The following GOLGA4 variants were observed in gnomAD, a reference collection of about 807,000 sequenced individuals.
GOLGA4 encodes golgin A4, also known as golgin subfamily A member 4.
Under a neutral mutation model 265.9 loss-of-function variants are expected in GOLGA4, and 169 were observed. The observed-to-expected ratio is 0.64, with a 90% confidence interval of 0.56 to 0.72. The LOEUF is 0.72. GOLGA4 is among the 30% of genes least tolerant of loss of function. The pLI is 0.00. For missense variants in GOLGA4, 2,482 were observed against 2,483.4 expected (o/e 1.00, Z 0.01); for synonymous variants, 923 against 855.8 (o/e 1.08, Z -1.37).
At chr3:37,264,220 C>T (rs578241628) in intron 2 of GOLGA4, among the ~76,000 whole-genome samples, 77 of 152,178 alleles carry the variant, frequency 5.1e-4, no homozygotes, top group Non-Finnish European at 7.4e-4. Context: ...TGGGCAAGAG[C>T]GACTTCATTA....
At chr3:37,289,693 C>T (rs1246560722) in intron 5 of GOLGA4, among the ~76,000 whole-genome samples, 1 of 152,060 alleles carries the variant, frequency 6.6e-6, no homozygotes, top group African/African-American at 2.4e-5. Flanking sequence ...GTTTGAATTC[C>T]TTTATGTCTT....
rs2096842735 is a variant in GOLGA4 at position 37,284,393 on chromosome 3, A to G, written c.478-1621A>G. On this transcript the variant is annotated intron_variant, in intron 3 of 23. Coordinates refer to ENST00000361924, the MANE Select transcript of GOLGA4 (RefSeq NM_002078.5). The stretch of plus-strand genomic sequence containing the variant: ...CCAAGCAGTTCTCCTGCCTCACTCT[A>G]CAGGCATGCGCCACCATGCTCAGCT... Among the ~76,000 whole-genome samples, 3 of 151,922 alleles carry G rather than the reference A, an allele frequency of 2.0e-5. No homozygotes were observed. In the South Asian group the frequency reaches 6.2e-4, roughly 32 times the overall value.
chr3:37,334,993 T>G, intron 16 of GOLGA4, 60 bp from the exon 17 acceptor site: 1 of 1,041,478 alleles, frequency 9.6e-7, no homozygotes, highest in Non-Finnish European at 1.4e-6. Context: ...TTTGATGTGT[T>G]TGTTTACTAA....
At chr3:37,271,289 A>T (rs1428327293) in intron 2 of GOLGA4, among the ~76,000 whole-genome samples, 2 of 152,158 alleles carry the variant, frequency 1.3e-5, no homozygotes, top group Non-Finnish European at 2.9e-5. Context: ...CCTAGAAGGC[A>T]TTCATTGTAA....
chr3:37,331,415 A>G (rs1223631739), intron 16 of GOLGA4, among the ~76,000 whole-genome samples: 8 of 152,216 alleles, frequency 5.3e-5, no homozygotes, highest in Admixed American at 3.9e-4. Context: ...ATCCCCAGAT[A>G]TACTTTATCC....
At chr3:37,364,126 C>A (rs999535010) in intron 23 of GOLGA4, among the ~76,000 whole-genome samples, 1 of 152,138 alleles carries the variant, frequency 6.6e-6, no homozygotes, top group South Asian at 2.1e-4. Context: ...CTCCCCCTAT[C>A]CACTTAATAT....
chr3:37,327,855 A>T, intron 14 of GOLGA4, 30 bp downstream of exon 14: 1 of 1,528,036 alleles, frequency 6.5e-7, no homozygotes, highest in African/African-American at 1.4e-5. Context: ...GAATATTTTT[A>T]TGGCAGTCCT....
intron 2 of GOLGA4, among the ~76,000 whole-genome samples, chr3:37,270,417 C>T (rs1199887015): frequency 6.6e-6 from 1 of 151,766 alleles, no homozygotes; most frequent in African/African-American, 2.4e-5. Flanking sequence ...GGGGTTTCAC[C>T]ATATTGGCCA....
intron 21 of GOLGA4, among the ~76,000 whole-genome samples, chr3:37,350,256 G>A (rs1182441466): frequency 6.6e-6 from 1 of 152,150 alleles, no homozygotes; most frequent in East Asian, 1.9e-4. Flanking sequence ...TTTCTGGCAA[G>A]CCAGGGATGA....
At chr3:37,345,041 C>T (rs1426897377) in intron 20 of GOLGA4, among the ~76,000 whole-genome samples, 2 of 151,858 alleles carry the variant, frequency 1.3e-5, no homozygotes, top group Admixed American at 1.3e-4. Flanking sequence ...GTAGTGGGAC[C>T]CTGTCTCTAG....
chr3:37,312,748 T>C (rs1188280494), intron 10 of GOLGA4, among the ~76,000 whole-genome samples: 1 of 152,038 alleles, frequency 6.6e-6, no homozygotes, highest in Non-Finnish European at 1.5e-5. Flanking sequence ...GGTCTTGAAC[T>C]CCTAGGCTCA....
chr3:37,279,704 C>A (rs987457194), intron 2 of GOLGA4, among the ~76,000 whole-genome samples: 2 of 152,154 alleles, frequency 1.3e-5, no homozygotes, highest in East Asian at 3.9e-4. Context: ...GTCAGGAGTT[C>A]GAGACCAGCC....
chr3:37,302,771 C>A (rs886576179), intron 10 of GOLGA4: 14 of 155,722 alleles, frequency 9.0e-5, no homozygotes. Flanking sequence ...TTAGGGTAAA[C>A]AAAAAGTCTA....
intron 2 of GOLGA4, among the ~76,000 whole-genome samples, chr3:37,255,750 CA>C (rs1305092764): frequency 1.3e-4 from 2 of 15,798 alleles, no homozygotes; most frequent in African/African-American, 2.2e-4. Flanking sequence ...TAAAAAAAAG[CA>C]TTTTTTTTTT....
intron 2 of GOLGA4, among the ~76,000 whole-genome samples, chr3:37,273,120 CA>C (rs1449251224): frequency 3.3e-5 from 5 of 152,082 alleles, no homozygotes; most frequent in African/African-American, 1.2e-4. Context: ...GAGCTTAGCC[CA>C]AATAATTTTG....
intron 2 of GOLGA4, among the ~76,000 whole-genome samples, chr3:37,257,361 T>C (rs1454141139): frequency 6.6e-6 from 1 of 152,192 alleles, no homozygotes; most frequent in Non-Finnish European, 1.5e-5. Context: ...GGATGGTTTT[T>C]GGTGTTACCT....
At chr3:37,346,052 A>G (rs1225216453) in intron 20 of GOLGA4, among the ~76,000 whole-genome samples, 1 of 152,184 alleles carries the variant, frequency 6.6e-6, no homozygotes, top group African/African-American at 2.4e-5. Context: ...ATACTCAAAT[A>G]TGATATATAG....
At chr3:37,335,831 T>C (rs1372531961) in intron 17 of GOLGA4, among the ~76,000 whole-genome samples, 2 of 151,928 alleles carry the variant, frequency 1.3e-5, no homozygotes, top group African/African-American at 4.8e-5. Context: ...ACTCCATGGC[T>C]TCTTGTCCTG....
At chr3:37,343,646 A>G (rs2097046547) in intron 20 of GOLGA4, among the ~76,000 whole-genome samples, 1 of 152,176 alleles carries the variant, frequency 6.6e-6, no homozygotes, top group South Asian at 2.1e-4. Context: ...TTGATGAGAA[A>G]ACCAACTTAC....
Sources: gnomAD v4.1 joint callset for allele counts (sites outside exome capture counted in the v4.1 genomes callset) on GRCh38, gnomAD v4.1.1 for gene constraint, MANE v1.5 for transcripts, NCBI Gene and HGNC (gene_info 2026-07-23, HGNC 2026-07-21) for gene names.